PCBP3: variants seen among roughly 807,000 people sequenced by gnomAD.
PCBP3 encodes poly(rC) binding protein 3, also known as poly(rC)-binding protein 3.
In PCBP3, 25 loss-of-function variants were observed where a neutral mutation model predicts 52.7. That is an observed-to-expected ratio of 0.47 (90% CI 0.35 to 0.66). The LOEUF is 0.66. PCBP3 is among the 30% of genes least tolerant of loss of function. PCBP3 has a pLI of 0.01. For synonymous variants in PCBP3, 162 were observed against 183.0 expected (o/e 0.89, Z 0.93); for missense variants, 391 against 490.3 (o/e 0.80, Z 1.91).
chr21:45,706,659 T>C (rs1054641818), intron 2 of PCBP3, among the ~76,000 whole-genome samples: 1 of 152,174 alleles, frequency 6.6e-6, no homozygotes, highest in African/African-American at 2.4e-5. Flanking sequence ...AAATCCCAAA[T>C]GACATGAGGA....
intron 2 of PCBP3, among the ~76,000 whole-genome samples, chr21:45,708,576 A>G (rs1173860377): frequency 6.6e-6 from 1 of 152,242 alleles, no homozygotes; most frequent in Non-Finnish European, 1.5e-5. Context: ...GCTTCATATA[A>G]GCAAACTTCA....
intron 1 of PCBP3, among the ~76,000 whole-genome samples, chr21:45,662,806 C>T (rs912158067): frequency 3.2e-4 from 49 of 152,144 alleles, no homozygotes; most frequent in African/African-American, 1.2e-3. Context: ...GCTCCTTGGT[C>T]TAGCGGTAAT....
At position 45,713,475 on chromosome 21, in the gene PCBP3, C is replaced by T. The variant is rs1040657253; in HGVS notation, c.-199-21917C>T. Among the ~76,000 whole-genome samples, 10 of 152,228 alleles carry T rather than the reference C, an allele frequency of 6.6e-5. 1 individual carries two copies. Among genetic ancestry groups the T allele is most frequent in the Admixed American group, 2.0e-4 (3 of 15,282 alleles). ...TACAGACACACCTCGTCTGTCCATGCGGAGTTCTTACCTACCCAGGGCCTG... is the reference window on the plus strand; with the variant it reads ...TACAGACACACCTCGTCTGTCCATGTGGAGTTCTTACCTACCCAGGGCCTG... On this transcript the variant is annotated intron_variant, in intron 2 of 17. Transcript: ENST00000681687.
At chr21:45,745,209 G>A (rs1603369629) in intron 3 of PCBP3, among the ~76,000 whole-genome samples, 1 of 152,202 alleles carries the variant, frequency 6.6e-6, no homozygotes, top group East Asian at 1.9e-4. Context: ...TAGGAGACAT[G>A]CCATGGAGGC....
intron 4 of PCBP3, among the ~76,000 whole-genome samples, chr21:45,794,158 G>C (rs140791318): frequency 1.3e-5 from 2 of 152,284 alleles, no homozygotes; most frequent in East Asian, 3.9e-4. Context: ...ATTTATAGAT[G>C]CTACTCACGC....
intron 4 of PCBP3, among the ~76,000 whole-genome samples, chr21:45,838,162 T>G (rs1373293263): frequency 2.6e-5 from 4 of 152,224 alleles, no homozygotes; most frequent in Non-Finnish European, 5.9e-5. Context: ...TCTCTCCCTG[T>G]GAAGCATCAT....
intron 3 of PCBP3, among the ~76,000 whole-genome samples, chr21:45,738,707 CT>C (rs1279280434): frequency 2.0e-5 from 3 of 152,114 alleles, no homozygotes; most frequent in African/African-American, 4.8e-5. Context: ...CCATGGCCCC[CT>C]GGGTAGCCCC....
intron 4 of PCBP3, among the ~76,000 whole-genome samples, chr21:45,841,376 C>G (rs1049625433): frequency 6.7e-6 from 1 of 149,902 alleles, no homozygotes; most frequent in Non-Finnish European, 1.5e-5. Flanking sequence ...TGTGATGTCT[C>G]CTTACTCTTA....
intron 4 of PCBP3, among the ~76,000 whole-genome samples, chr21:45,823,114 A>G (rs2093193948): frequency 6.6e-6 from 1 of 152,222 alleles, no homozygotes; most frequent in Non-Finnish European, 1.5e-5. Flanking sequence ...AAGGACTCAC[A>G]TTGACGTAGT....
intron 1 of PCBP3, among the ~76,000 whole-genome samples, chr21:45,654,338 ATTTTTTTTTTT>A (rs398036499): frequency 9.1e-6 from 1 of 109,416 alleles, no homozygotes; most frequent in Non-Finnish European, 1.8e-5. Flanking sequence ...TAGACATTGC[ATTTTTTTTTTT>A]TTTTTTTTTT....
In PCBP3 at chr21:45,880,290, G is replaced by T. The variant is rs774541289; in HGVS notation, c.11-15918G>T. On this transcript the variant is annotated intron_variant, in intron 5 of 17. Coordinates refer to ENST00000681687, the MANE Select transcript of PCBP3 (RefSeq NM_001384156.1). This position sits in a 1 kb window ranked among gnomAD's most constrained non-coding sequence, Gnocchi z 5.4. ...TGCTGGCCCTGGGCCTCGGAGGGGA[G>T]GGGAGCGCCTGGGGCGCCGCGGTCC... Among the ~76,000 whole-genome samples the T allele has an allele frequency of 2.0e-5, 3 of 152,194 alleles. No individual in the cohort carries two copies. The highest frequency in any genetic ancestry group is 1.3e-4 in the Admixed American group (2 of 15,292).
At chr21:45,785,245 T>C (rs1247853392) in intron 4 of PCBP3, among the ~76,000 whole-genome samples, 1 of 149,118 alleles carries the variant, frequency 6.7e-6, no homozygotes, top group African/African-American at 2.5e-5. Context: ...GTCTGGGAAG[T>C]GAGGAGCATC....
At chr21:45,879,709 AAT>A (rs34904588) in intron 5 of PCBP3, among the ~76,000 whole-genome samples, 53,612 of 151,756 alleles carry the variant, frequency 0.35, 11,004 homozygotes, top group East Asian at 0.66. Flanking sequence ...CACACCTCTA[AAT>A]AATGCCCTAG....
chr21:45,652,185 C>G (rs1019707244), intron 1 of PCBP3, among the ~76,000 whole-genome samples: 7 of 152,082 alleles, frequency 4.6e-5, no homozygotes, highest in African/African-American at 1.4e-4. Context: ...CTGAGCCAGC[C>G]CTTGTTCTTT....
chr21:45,899,088 G>A (rs1487611722), intron 6 of PCBP3, among the ~76,000 whole-genome samples: 1 of 152,262 alleles, frequency 6.6e-6, no homozygotes, highest in East Asian at 1.9e-4. Context: ...GCCCAGCGGG[G>A]AACGTGTGTC....
intron 2 of PCBP3, among the ~76,000 whole-genome samples, chr21:45,691,866 GGC>G (rs1269748178): frequency 1.3e-5 from 2 of 152,136 alleles, no homozygotes; most frequent in East Asian, 1.9e-4. Context: ...CCCAGCACAA[GGC>G]TTGTTCTGTC....
At chr21:45,785,240 G>A (rs1480793724) in intron 4 of PCBP3, among the ~76,000 whole-genome samples, 4 of 151,752 alleles carry the variant, frequency 2.6e-5, no homozygotes, top group Non-Finnish European at 5.9e-5. Flanking sequence ...ACCCCGTCTG[G>A]GAAGTGAGGA....
rs568152565 is a variant in PCBP3, at chr21:45,784,696, C to T, written c.-126+29244C>T. ...CAGGCTGGTCTCCAGCTCCTGACCG[C>T]GAGTGATCCGCCAGCCTCGGCCTCC... On this transcript the variant is annotated intron_variant, in intron 4 of 17. Transcript: ENST00000681687. Among the ~76,000 whole-genome samples, 307 of 152,372 alleles carry T rather than the reference C, an allele frequency of 2.0e-3. 2 individuals are homozygous for T. The highest frequency in any genetic ancestry group is 6.9e-3 in the African/African-American group (285 of 41,590).
In PCBP3 at chr21:45,724,592, G is replaced by A. The variant is rs1288200157; in HGVS notation, c.-199-10800G>A. Among the ~76,000 whole-genome samples, 1 of 152,158 alleles carries A rather than the reference G, an allele frequency of 6.6e-6. No individual in the cohort carries two copies. Among genetic ancestry groups the A allele is most frequent in the East Asian group, 1.9e-4 (1 of 5,192 alleles). ...ACACGAACATTAAAACTGATTTGAGGTGTTAGCGGTGTCACTGTAAGTGTG... is the reference window on the plus strand; with the variant it reads ...ACACGAACATTAAAACTGATTTGAGATGTTAGCGGTGTCACTGTAAGTGTG... On this transcript the variant is annotated intron_variant, in intron 2 of 17. Coordinates refer to ENST00000681687, the MANE Select transcript of PCBP3 (RefSeq NM_001384156.1). This position sits in a 1 kb window ranked among gnomAD's most constrained non-coding sequence, Gnocchi z 5.3.
Sources: allele counts gnomAD v4.1 joint callset (sites outside exome capture counted in the v4.1 genomes callset), GRCh38; gene constraint gnomAD v4.1.1; non-coding constraint Gnocchi (gnomAD v3.1); transcripts MANE v1.5; gene names NCBI Gene and HGNC (gene_info 2026-07-23, HGNC 2026-07-21).